The following MDN1 variants were observed in gnomAD, a reference collection of about 807,000 sequenced individuals.
MDN1 encodes the protein midasin AAA ATPase 1.
A neutral mutation model predicts 669.2 loss-of-function variants in MDN1; 266 were observed. That is an observed-to-expected ratio of 0.40 (90% CI 0.36 to 0.44). The LOEUF (loss-of-function observed/expected upper bound fraction) is 0.44. Among genes scored for constraint, MDN1 ranks in the 20% least tolerant of loss-of-function variants. The pLI, the probability that MDN1 is intolerant of heterozygous loss-of-function variation, is 1.00. For missense variants in MDN1, 5,940 were observed against 6,754.0 expected (o/e 0.88, Z 4.22); for synonymous variants, 2,385 against 2,457.1 (o/e 0.97, Z 0.87).
rs772467134 is a variant in MDN1 at position 89,714,718 on chromosome 6, A to G, written c.6894T>C (p.Asp2298=). The G allele has an allele frequency of 6.2e-6, 10 of 1,614,136 alleles. 1 individual carries two copies. The South Asian group carries it at 7.7e-5, about 12-fold the overall frequency. ...CACGATTCCTCATAGCTCGGGATAT[A>G]TCTCCATGAACAGGATCCATCGAGA... The part of the protein sequence containing the change: ...LFLSMDPVHG[D]ISRAMRNRGL... Residue 2298 remains aspartate (D), a synonymous_variant, in exon 46 of 102, where the codon GAT becomes GAC. Transcript: ENST00000369393.
intron 11 of MDN1, 26 bp downstream of exon 11, chr6:89,780,184 CAA>C (rs1326766719): frequency 7.4e-7 from 1 of 1,359,440 alleles, no homozygotes; most frequent in Non-Finnish European, 1.0e-6. Context: ...AGAACCAAGA[CAA>C]AAAAGACTGG....
chr6:89,693,971 T>C (rs1584206030), intron 62 of MDN1, 103 bp downstream of exon 62: 1 of 869,712 alleles, frequency 1.1e-6, no homozygotes, highest in East Asian at 2.5e-5. Context: ...ATTGCTAATG[T>C]AGTTTAGAGG....
At chr6:89,790,128 A>T (rs1233586960) in intron 6 of MDN1, 31 bp downstream of exon 6, 4 of 1,613,052 alleles carry the variant, frequency 2.5e-6, no homozygotes, top group Non-Finnish European at 3.4e-6. Flanking sequence ...CAAGCATGAC[A>T]AGCCACCAAA....
intron 45 of MDN1, among the ~76,000 whole-genome samples, chr6:89,714,995 C>A (rs1315569752): frequency 1.3e-5 from 2 of 152,142 alleles, no homozygotes; most frequent in Non-Finnish European, 2.9e-5. Flanking sequence ...AAAATTTAAC[C>A]TTCAGATATT....
rs1809828432 is a variant in MDN1 at position 89,662,163 on chromosome 6, T to G, written c.14489A>C (p.Lys4830Thr). The G allele has an allele frequency of 6.2e-7, 1 of 1,614,154 alleles. No individual in the cohort carries two copies. Among genetic ancestry groups the G allele is most frequent in the Non-Finnish European group, 8.5e-7 (1 of 1,180,028 alleles). Residue 4830 changes from lysine to threonine, a missense_variant, in exon 87 of 102, where the codon AAG becomes ACG. Physicochemically the swap from Lys to Thr is moderately conservative, Grantham distance 78. Coordinates refer to ENST00000369393, the MANE Select transcript of MDN1 (RefSeq NM_014611.3). ...NSNKDKSQQDKKEEKEEAEAD... is the reference protein window; with the variant it reads ...NSNKDKSQQDTKEEKEEAEAD... ...TTCTGCTTCTTCCTTTTCTTCCTTC[T>G]TATCTTGCTGGCTTTTATCTTTGTT... is the stretch of plus-strand genomic sequence containing the variant.
At chr6:89,717,918 AC>A (rs1206080698) in intron 43 of MDN1, among the ~76,000 whole-genome samples, 1 of 152,220 alleles carries the variant, frequency 6.6e-6, no homozygotes, top group Admixed American at 6.5e-5. Context: ...TGAAAGTGGC[AC>A]CACAAAATGA....
At position 89,674,091 on chromosome 6, in the gene MDN1, T is replaced by C. The variant is rs376795643; in HGVS notation, c.13247+13A>G. 4.2e-5 allele frequency: 67 copies of C among 1,612,612 alleles called. No homozygotes were observed. Among genetic ancestry groups the C allele is most frequent in the African/African-American group, 2.8e-4 (21 of 74,836 alleles). On this transcript the variant is annotated intron_variant, in intron 79 of 101. Coordinates refer to ENST00000369393, the MANE Select transcript of MDN1 (RefSeq NM_014611.3). ...AAGCACACAGAGAAGTGTAAAGACA[T>C]AGACACACTTACCAAGAATGAAAGA...
intron 82 of MDN1, among the ~76,000 whole-genome samples, chr6:89,671,927 G>C (rs1306568898): frequency 6.6e-6 from 1 of 152,204 alleles, no homozygotes; most frequent in Non-Finnish European, 1.5e-5. Flanking sequence ...ATACTTGGGA[G>C]TATGTGAATA....
At position 89,710,730 on chromosome 6, in the gene MDN1, G is replaced by C. The variant is rs775036482; in HGVS notation, c.7716C>G (p.Leu2572=). Residue 2572 remains leucine, a synonymous_variant, in exon 50 of 102, where the codon CTC becomes CTG. Coordinates refer to ENST00000369393, the MANE Select transcript of MDN1 (RefSeq NM_014611.3). ...ASLRNFYSHS[L]SGAVSNVFKI... ...TGAAAACATTACTGACTGCACCTGA[G>C]AGGGAATGTGAGTAAAAATTCCTGA... The C allele has an allele frequency of 9.4e-6, 15 of 1,602,726 alleles. No homozygotes were observed. Among genetic ancestry groups the C allele is most frequent in the Non-Finnish European group, 1.2e-5 (14 of 1,175,900 alleles).
intron 76 of MDN1, 77 bp downstream of exon 76, chr6:89,677,493 T>C: frequency 6.3e-7 from 1 of 1,575,342 alleles, no homozygotes; most frequent in South Asian, 1.1e-5. Flanking sequence ...TTTTGCAATG[T>C]GCAAATGAGG....
chr6:89,705,222 C>T (rs1010274849), intron 53 of MDN1, among the ~76,000 whole-genome samples: 7 of 152,084 alleles, frequency 4.6e-5, no homozygotes, highest in Admixed American at 2.0e-4. Context: ...TTCATATTAA[C>T]GTGAAATTCT....
At position 89,743,261 on chromosome 6, in the gene MDN1, C is replaced by A; in HGVS notation, c.4337G>T (p.Arg1446Ile). 1.2e-6 allele frequency: 2 copies of A among 1,614,112 alleles called. No individual in the cohort carries two copies. Among genetic ancestry groups the A allele is most frequent in the Non-Finnish European group, 1.7e-6 (2 of 1,180,022 alleles). The change falls in exon 31 of 102, where the codon AGA becomes ATA. Residue 1446 changes from arginine (R) to isoleucine (I), a missense_variant. Coordinates refer to ENST00000369393, the MANE Select transcript of MDN1 (RefSeq NM_014611.3). ...AGGCCCATCATGCCACTCAAAGAGT[C>A]TTGATGTGTCAATTTCTTCCTATAA... ...PNDKEEIDTSRLFEWHDGPLV... is the reference protein window; with the variant it reads ...PNDKEEIDTSILFEWHDGPLV...
chr6:89,676,058 G>T lies in MDN1; in HGVS notation c.12645+44C>A, dbSNP rs768468833. ...ACAGCCCTGGGATGAACAGAACAAG[G>T]GCTTTCCCTGAGCCCCTGCAAGACT... On this transcript the variant is annotated intron_variant, in intron 77 of 101. Coordinates refer to ENST00000369393, the MANE Select transcript of MDN1 (RefSeq NM_014611.3). 45 of 1,564,914 alleles carry T rather than the reference G, an allele frequency of 2.9e-5. No homozygotes were observed. The South Asian group carries it at 4.9e-4, about 17-fold the overall frequency.
chr6:89,738,030 A>T (rs1391033560), intron 33 of MDN1, among the ~76,000 whole-genome samples: 2 of 152,180 alleles, frequency 1.3e-5, no homozygotes, highest in East Asian at 1.9e-4. Context: ...AGCCAAAAAA[A>T]TTTTTAAATA....
intron 79 of MDN1, 152 bp from the exon 80 acceptor site, chr6:89,673,614 C>T (rs1810984478): frequency 3.1e-6 from 2 of 649,360 alleles, no homozygotes; most frequent in South Asian, 3.9e-5. Context: ...CTGTGCAGGT[C>T]CACTGAGTAA....
chr6:89,762,435 G>T lies in MDN1; in HGVS notation c.2240C>A (p.Thr747Lys), dbSNP rs765630411. The stretch of plus-strand genomic sequence containing the variant: ...ACAGGTCTGAATGTGCCCCAAGAAC[G>T]TAAAGTTTTGTTTCTTGGAAAATGT... ...AQTFSKKQNF[T>K]FLGHIQTCYR... Residue 747 changes from threonine to lysine, a missense_variant, in exon 16 of 102, where the codon ACG becomes AAG. Thr to Lys is a moderately conservative substitution (Grantham distance 78, BLOSUM62 -1). Transcript: ENST00000369393. The T allele has an allele frequency of 3.7e-6, 6 of 1,613,806 alleles. No homozygotes were observed. In the East Asian group the frequency reaches 1.1e-4, roughly 30 times the overall value.
At chr6:89,763,709 G>A (rs545793147) in intron 15 of MDN1, among the ~76,000 whole-genome samples, 210 of 152,186 alleles carry the variant, frequency 1.4e-3, no homozygotes, top group African/African-American at 4.8e-3. Context: ...CACAACAAAC[G>A]TAAGGGAACT....
intron 99 of MDN1, 56 bp from the exon 100 acceptor site, chr6:89,646,659 G>T: frequency 6.9e-7 from 1 of 1,441,226 alleles, no homozygotes; most frequent in Non-Finnish European, 9.8e-7. Flanking sequence ...TCTTCTCATT[G>T]TCAAAGAGAC....
In MDN1 at chr6:89,808,848, T is replaced by C. The variant is rs77014875; in HGVS notation, c.103-5294A>G. On this transcript the variant is annotated intron_variant, in intron 1 of 101. Coordinates refer to ENST00000369393, the MANE Select transcript of MDN1 (RefSeq NM_014611.3). Reference sequence around the variant, plus strand: ...ATCCAATGTTTGAACGTTTTTCATATGGATTTTTTCCTCTTTTTCTAGTTG... The same window carrying C: ...ATCCAATGTTTGAACGTTTTTCATACGGATTTTTTCCTCTTTTTCTAGTTG... 2.9e-3 allele frequency among the ~76,000 whole-genome samples: 442 copies of C among 152,326 alleles called. 3 individuals carry two copies. Among genetic ancestry groups the C allele is most frequent in the Middle Eastern group, 0.01 (3 of 294 alleles).
Sources: allele counts gnomAD v4.1 joint callset (sites outside exome capture counted in the v4.1 genomes callset), GRCh38; gene constraint gnomAD v4.1.1; transcripts MANE v1.5; gene names NCBI Gene and HGNC (gene_info 2026-07-23, HGNC 2026-07-21).